IQCK: variants seen among roughly 807,000 people sequenced by gnomAD.
The protein encoded by IQCK is IQ domain-containing protein K.
Under a neutral mutation model 28.1 loss-of-function variants are expected in IQCK, and 29 were observed. That is an observed-to-expected ratio of 1.03 (90% CI 0.77 to 1.41). IQCK has a LOEUF of 1.41. IQCK is among the 40% of genes most tolerant of loss of function. The pLI, the probability that IQCK is intolerant of heterozygous loss-of-function variation, is 0.00. For synonymous variants in IQCK, 113 were observed against 115.1 expected (o/e 0.98, Z 0.12); for missense variants, 359 against 314.7 (o/e 1.14, Z -1.07).
intron 4 of IQCK, among the ~76,000 whole-genome samples, chr16:19,752,571 T>C (rs1384251004): frequency 6.6e-6 from 1 of 152,144 alleles, no homozygotes; most frequent in African/African-American, 2.4e-5. Flanking sequence ...CTTTATATAT[T>C]ACTTATTTAT....
Position 19,730,434 on chromosome 16 carries a change from T to G in IQCK, c.186T>G (p.Tyr62Ter). 6.2e-7 allele frequency: 1 copy of G among 1,606,542 alleles called. No individual in the cohort carries two copies. The highest frequency in any genetic ancestry group is 8.5e-7 in the Non-Finnish European group (1 of 1,176,506). ...TTTTTTTTCCCTTCCCTTTAGAGTA[T>G]GAAGCTGAGCAGCCTCCCTTTCCAG... The change falls in exon 2 of 8, where the codon TAT becomes TAG. Residue 62 changes from tyrosine (Y) to a stop codon, truncating the protein, a stop_gained. Coordinates refer to ENST00000564186, the Ensembl canonical transcript of IQCK. LOFTEE classifies it high-confidence loss of function.
chr16:19,833,612 C>T (rs2056259845), intron 9 of IQCK, among the ~76,000 whole-genome samples: 1 of 152,166 alleles, frequency 6.6e-6, no homozygotes, highest in South Asian at 2.1e-4. Context: ...TAGTAAGTTT[C>T]TTAGAGCAGT....
intron 1 of IQCK, among the ~76,000 whole-genome samples, chr16:19,727,247 A>G (rs1352168385): frequency 6.6e-6 from 1 of 152,222 alleles, no homozygotes; most frequent in African/African-American, 2.4e-5. Context: ...ATGTGGTTCT[A>G]TGTGTGGGCA....
intron 6 of IQCK, among the ~76,000 whole-genome samples, chr16:19,767,084 C>A (rs1046721352): frequency 6.6e-6 from 1 of 152,158 alleles, no homozygotes; most frequent in African/African-American, 2.4e-5. Flanking sequence ...GGATGTGGCT[C>A]GCTTTTTCAG....
chr16:19,741,022 A>G (rs1351395539), intron 4 of IQCK, among the ~76,000 whole-genome samples: 1 of 151,742 alleles, frequency 6.6e-6, no homozygotes, highest in Non-Finnish European at 1.5e-5. Context: ...TGAGTCGCCC[A>G]TGTTTGGTTC....
intron 4 of IQCK, among the ~76,000 whole-genome samples, chr16:19,751,513 T>C (rs2054986505): frequency 6.6e-6 from 1 of 151,882 alleles, no homozygotes; most frequent in Non-Finnish European, 1.5e-5. Context: ...AATTTTAAAA[T>C]TATGTTTGAA....
At chr16:19,785,579 A>G (rs4782282) in intron 6 of IQCK, among the ~76,000 whole-genome samples, 54,213 of 152,192 alleles carry the variant, frequency 0.36, 15,623 homozygotes, top group African/African-American at 0.8. Context: ...TTGGCTGTCC[A>G]CAACCAATCA....
chr16:19,719,252 A>G (rs1299455504), intron 1 of IQCK, among the ~76,000 whole-genome samples: 1 of 152,166 alleles, frequency 6.6e-6, no homozygotes, highest in African/African-American at 2.4e-5. Context: ...CTCGATTTAC[A>G]GAAGGAGCTA....
intron 4 of IQCK, among the ~76,000 whole-genome samples, chr16:19,756,679 G>A (rs1160055891): frequency 6.6e-6 from 1 of 152,106 alleles, no homozygotes; most frequent in East Asian, 1.9e-4. Flanking sequence ...GAGGTCAGGA[G>A]ATGGTCACGA....
chr16:19,766,551 C>T (rs1225305579), intron 6 of IQCK, among the ~76,000 whole-genome samples: 12 of 152,182 alleles, frequency 7.9e-5, no homozygotes, highest in East Asian at 1.9e-4. Flanking sequence ...GGGTGGGAGC[C>T]GGGAAATATC....
intron 4 of IQCK, among the ~76,000 whole-genome samples, chr16:19,741,646 T>A (rs8053530): frequency 0.055 from 8,311 of 152,170 alleles, 709 homozygotes; most frequent in African/African-American, 0.18. Context: ...AAAGTTTAAA[T>A]TGTATAATGA....
chr16:19,818,311 GAT>G (rs1186985532), intron 7 of IQCK, among the ~76,000 whole-genome samples: 3 of 152,126 alleles, frequency 2.0e-5, no homozygotes, highest in Admixed American at 6.5e-5. Flanking sequence ...ATATAGAGCT[GAT>G]TTTCCTCTCT....
intron 7 of IQCK, among the ~76,000 whole-genome samples, chr16:19,803,931 G>C (rs1383569926): frequency 1.3e-5 from 2 of 152,142 alleles, no homozygotes; most frequent in African/African-American, 4.8e-5. Flanking sequence ...GACAAATGTG[G>C]GCCACCGTGC....
chr16:19,758,571 T>TATTATAC (rs2055087262), intron 4 of IQCK, among the ~76,000 whole-genome samples: 1 of 152,214 alleles, frequency 6.6e-6, no homozygotes, highest in African/African-American at 2.4e-5. Context: ...ATCCTACAAT[T>TATTATAC]GCCAGATTGT....
intron 6 of IQCK, among the ~76,000 whole-genome samples, chr16:19,778,816 A>G (rs2055434548): frequency 6.6e-6 from 1 of 152,170 alleles, no homozygotes; most frequent in South Asian, 2.1e-4. Flanking sequence ...TAGTGCCCTC[A>G]AGATGTCCAC....
At chr16:19,718,818 CG>C (rs924677695) in intron 1 of IQCK, among the ~76,000 whole-genome samples, 6 of 143,640 alleles carry the variant, frequency 4.2e-5, no homozygotes, top group South Asian at 2.5e-4. Context: ...GGGCGGGGGC[CG>C]GGGTGGGGAT....
At chr16:19,783,377 A>G (rs2055518076) in intron 6 of IQCK, among the ~76,000 whole-genome samples, 1 of 152,132 alleles carries the variant, frequency 6.6e-6, no homozygotes, top group Non-Finnish European at 1.5e-5. Context: ...TATTACTAGT[A>G]TAACAATTCT....
Position 19,722,991 on chromosome 16 carries a change from C to T in IQCK, c.181+4504C>T, listed in dbSNP as rs1254332189. ...CCTCCCAAAGTGCTGGGATTACAGGCGTGAGCTACCGCATCCGGCCTGCTT... is the reference window on the plus strand; with the variant it reads ...CCTCCCAAAGTGCTGGGATTACAGGTGTGAGCTACCGCATCCGGCCTGCTT... On this transcript the variant is annotated intron_variant, in intron 1 of 7. Transcript: ENST00000564186. Among the ~76,000 whole-genome samples the T allele has an allele frequency of 2.0e-5, 3 of 152,278 alleles. No individual in the cohort carries two copies. In the East Asian group the frequency reaches 5.8e-4, roughly 29 times the overall value.
intron 9 of IQCK, among the ~76,000 whole-genome samples, chr16:19,834,328 G>A (rs1044364145): frequency 6.6e-6 from 1 of 152,184 alleles, no homozygotes; most frequent in Admixed American, 6.5e-5. Context: ...CCGGGGCTGG[G>A]AGGATACATG....
Sources: gnomAD v4.1 joint callset for allele counts (sites outside exome capture counted in the v4.1 genomes callset) on GRCh38, gnomAD v4.1.1 for gene constraint, MANE v1.5 for transcripts, NCBI Gene and HGNC (gene_info 2026-07-23, HGNC 2026-07-21) for gene names.